Variants in ABHD4 observed in about 807,000 individuals in gnomAD.
ABHD4 encodes abhydrolase domain containing 4, N-acyl phospholipase B, also known as (Lyso)-N-acylphosphatidylethanolamine lipase.
ABHD4 carries 35 observed loss-of-function variants against 42.3 expected under a neutral mutation model. That is an observed-to-expected ratio of 0.83 (90% CI 0.63 to 1.10). The LOEUF (loss-of-function observed/expected upper bound fraction) is 1.10, where lower values mean the gene tolerates loss of function less well. ABHD4 is among the 50% of genes least tolerant of loss of function. ABHD4 has a pLI of 0.00. For synonymous variants in ABHD4, 169 were observed against 170.6 expected (o/e 0.99, Z 0.07); for missense variants, 389 against 454.8 (o/e 0.86, Z 1.32).
chr14:22,598,792 A>C, intron 1 of ABHD4: 1 of 264,292 alleles, frequency 3.8e-6, no homozygotes, highest in Non-Finnish European at 7.5e-6. Context: ...AGAGGTCTCC[A>C]TCGCGCTGAA....
At position 22,606,419 on chromosome 14, in the gene ABHD4, C is replaced by A; in HGVS notation, c.641-3C>A. 6.2e-7 allele frequency: 1 copy of A among 1,609,164 alleles called. No homozygotes were observed. On this transcript the variant is annotated splice_polypyrimidine_tract_variant and splice_region_variant and intron_variant, in intron 4 of 6. Transcript: ENST00000428304. ...CTGTCTGTGTTTTTCTATCCCCTCC[C>A]AGGGCCTGGTCTGGTGCAGCGATTC...
At chr14:22,604,257 TTTTG>T in intron 4 of ABHD4, 178 bp downstream of exon 4, 4 of 757,260 alleles carry the variant, frequency 5.3e-6, no homozygotes, top group Non-Finnish European at 6.1e-6. Flanking sequence ...TTTTGTTTTG[TTTTG>T]TTTTTTTGAG....
chr14:22,605,192 G>A (rs2037335305), intron 4 of ABHD4, among the ~76,000 whole-genome samples: 2 of 152,316 alleles, frequency 1.3e-5, no homozygotes, highest in Non-Finnish European at 1.5e-5. Flanking sequence ...ATAATGAATA[G>A]TATCAATATC....
intron 5 of ABHD4, 71 bp from the exon 6 acceptor site, chr14:22,609,653 C>G (rs1289036163): frequency 6.7e-7 from 1 of 1,486,780 alleles, no homozygotes; most frequent in Non-Finnish European, 9.2e-7. Flanking sequence ...AAGATTCTGC[C>G]TCAGTCTCTG....
At chr14:22,602,782 T>G (rs750221990) in intron 2 of ABHD4, among the ~76,000 whole-genome samples, 2 of 152,104 alleles carry the variant, frequency 1.3e-5, no homozygotes, top group Non-Finnish European at 2.9e-5. Flanking sequence ...TTCTTTAGAG[T>G]GTGTAGTGTT....
At chr14:22,607,885 A>G (rs891541324) in intron 5 of ABHD4, among the ~76,000 whole-genome samples, 3 of 152,180 alleles carry the variant, frequency 2.0e-5, no homozygotes, top group African/African-American at 7.2e-5. Context: ...CCGTCACTCA[A>G]TTTTGTAACT....
Position 22,604,139 on chromosome 14 carries a change from G to A in ABHD4, c.640+60G>A, listed in dbSNP as rs548725719. 5.5e-5 allele frequency: 87 copies of A among 1,574,610 alleles called. No homozygotes were observed. In the South Asian group the frequency reaches 9.5e-4, roughly 17 times the overall value. ...TATAACGTTCTAGAAGGCCCACAGTGTCTTTCCCACTTATTCCTAAAAAGT... is the reference window on the plus strand; with the variant it reads ...TATAACGTTCTAGAAGGCCCACAGTATCTTTCCCACTTATTCCTAAAAAGT... On this transcript the variant is annotated intron_variant, in intron 4 of 6. Coordinates refer to ENST00000428304, the MANE Select transcript of ABHD4 (RefSeq NM_022060.3).
In ABHD4 at chr14:22,603,817, C is replaced by G. The variant is rs961967710; in HGVS notation, c.485+55C>G. 4.5e-6 allele frequency: 7 copies of G among 1,570,732 alleles called. No homozygotes were observed. In the African/African-American group the frequency reaches 9.5e-5, roughly 21 times the overall value. On this transcript the variant is annotated intron_variant, in intron 3 of 6. Transcript: ENST00000428304. ...ACCTAATTCCTGGCCTTACTGGGAA[C>G]TTTCCAGTATTCATTTCCAAACTTC...
chr14:22,609,611 T>G, intron 5 of ABHD4, 113 bp from the exon 6 acceptor site: 1 of 1,171,954 alleles, frequency 8.5e-7, no homozygotes, highest in Non-Finnish European at 1.2e-6. Flanking sequence ...ATGAGCCCAG[T>G]GTGGGGCTTT....
intron 5 of ABHD4, among the ~76,000 whole-genome samples, chr14:22,608,312 A>G (rs1403072670): frequency 6.6e-6 from 1 of 152,232 alleles, no homozygotes; most frequent in Non-Finnish European, 1.5e-5. Flanking sequence ...AGGAGGCAGC[A>G]GTGTCCCCAA....
chr14:22,601,537 G>A lies in ABHD4; in HGVS notation c.24-130G>A, dbSNP rs978376000. The A allele has an allele frequency of 7.2e-5, 55 of 764,902 alleles. No homozygotes were observed. The East Asian group carries it at 1.4e-3, about 19-fold the overall frequency. 47.4% of individuals were successfully genotyped at this position (764,902 alleles called of 1,614,324 possible). A position where few individuals can be genotyped will look rare whatever the true frequency, so the allele number is the denominator to read the frequency against. The stretch of plus-strand genomic sequence containing the variant: ...TAGCTAGGGAACTGCTGCCTGCCAT[G>A]GGGGGCAGGTCTCTCAAGGCTAGGA... On this transcript the variant is annotated intron_variant, in intron 1 of 6. Transcript: ENST00000428304.
intron 5 of ABHD4, 157 bp from the exon 6 acceptor site, chr14:22,609,567 A>G: frequency 4.1e-6 from 3 of 723,982 alleles, no homozygotes; most frequent in Non-Finnish European, 6.6e-6. Context: ...AGGCCTCTGG[A>G]ATTTTGGTCT....
At chr14:22,599,266 G>A (rs982649894) in intron 1 of ABHD4, among the ~76,000 whole-genome samples, 1 of 152,180 alleles carries the variant, frequency 6.6e-6, no homozygotes, top group Admixed American at 6.5e-5. Context: ...ATGCTTTAAA[G>A]GACTTAGGGA....
intron 4 of ABHD4, 106 bp from the exon 5 acceptor site, chr14:22,606,316 T>C (rs2037348821): frequency 2.7e-6 from 2 of 749,292 alleles, no homozygotes; most frequent in Non-Finnish European, 4.6e-6. Context: ...AACAAACCCT[T>C]AGGAGAAATA....
chr14:22,604,230 G>C, intron 4 of ABHD4, 151 bp downstream of exon 4: 1 of 967,750 alleles, frequency 1.0e-6, no homozygotes, highest in South Asian at 1.9e-5. Flanking sequence ...TTCAAGGTTT[G>C]AGAAGGTTTT....
intron 2 of ABHD4, among the ~76,000 whole-genome samples, chr14:22,602,507 G>A (rs961917947): frequency 6.6e-6 from 1 of 152,264 alleles, no homozygotes; most frequent in South Asian, 2.1e-4. Flanking sequence ...CACACCAGCA[G>A]AACAAGCACT....
At chr14:22,600,835 T>G (rs3074425) in intron 1 of ABHD4, among the ~76,000 whole-genome samples, 1 of 62,548 alleles carries the variant, frequency 1.6e-5, no homozygotes, top group East Asian at 3.6e-4. Flanking sequence ...CAGGGGGGTG[T>G]GTGTGTGTGT....
chr14:22,612,551 C>T lies in ABHD4; in HGVS notation c.*1603C>T, dbSNP rs2139277102. 6.6e-6 allele frequency: 1 copy of T among 152,388 alleles called. No homozygotes were observed. The highest frequency in any genetic ancestry group is 6.5e-5 in the Admixed American group (1 of 15,306). The allele number at this position is 152,388 out of a possible 1,614,324, so 9.4% of individuals were successfully genotyped here. A position where few individuals can be genotyped will look rare whatever the true frequency, so the allele number is the denominator to read the frequency against. ...CAGCACAGGCCCTCTCAGCCAACCA[C>T]TCATGACAAATGAGGAGTCGAGATC... is the stretch of plus-strand genomic sequence containing the variant. On this transcript the variant is annotated 3_prime_UTR_variant, in exon 7 of 7. Coordinates refer to ENST00000428304, the MANE Select transcript of ABHD4 (RefSeq NM_022060.3).
chr14:22,606,654 C>G lies in ABHD4; in HGVS notation c.752+121C>G, dbSNP rs2037353507. 4.5e-6 allele frequency: 3 copies of G among 665,326 alleles called. No individual in the cohort carries two copies. In the Admixed American group the frequency reaches 7.4e-5, roughly 16 times the overall value. 41.2% of individuals were successfully genotyped at this position (665,326 alleles called of 1,614,324 possible). A position where few individuals can be genotyped will look rare whatever the true frequency, so the allele number is the denominator to read the frequency against. ...AAGCTCTGACTCAGTTAGGTAAACACAGGCACTAGCAAGCCTGATCATTTC... is the reference window on the plus strand; with the variant it reads ...AAGCTCTGACTCAGTTAGGTAAACAGAGGCACTAGCAAGCCTGATCATTTC... On this transcript the variant is annotated intron_variant, in intron 5 of 6. Coordinates refer to ENST00000428304, the MANE Select transcript of ABHD4 (RefSeq NM_022060.3).
Sources: gnomAD v4.1 joint callset for allele counts (sites outside exome capture counted in the v4.1 genomes callset) on GRCh38, gnomAD v4.1.1 for gene constraint, MANE v1.5 for transcripts, NCBI Gene and HGNC (gene_info 2026-07-23, HGNC 2026-07-21) for gene names.